PBX4: variants seen among roughly 807,000 people sequenced by gnomAD.
PBX4 encodes PBX homeobox 4.
Under a neutral mutation model 35.1 loss-of-function variants are expected in PBX4, and 26 were observed. The ratio of observed to expected loss-of-function variants is 0.74; its 90% CI spans 0.54 to 1.03. The LOEUF is 1.03. PBX4 is among the 50% of genes least tolerant of loss of function. PBX4 has a pLI of 0.00. For synonymous variants in PBX4, 199 were observed against 204.2 expected, an observed-to-expected ratio of 0.97 and a Z score of 0.22; for missense variants, 448 against 504.3, an observed-to-expected ratio of 0.89 and a Z score of 1.07.
At chr19:19,589,350 C>T (rs573898647) in intron 2 of PBX4, among the ~76,000 whole-genome samples, 20 of 151,944 alleles carry the variant, frequency 1.3e-4, no homozygotes, top group Admixed American at 5.3e-4. Flanking sequence ...ATGGCATGAA[C>T]CCGAACCCAG....
chr19:19,597,871 C>A (rs2061570091), intron 2 of PBX4, among the ~76,000 whole-genome samples: 2 of 152,162 alleles, frequency 1.3e-5, no homozygotes. Flanking sequence ...CATGTTTTCC[C>A]TGACACAATG....
chr19:19,581,243 C>T (rs2061452352), intron 2 of PBX4, among the ~76,000 whole-genome samples: 1 of 152,178 alleles, frequency 6.6e-6, no homozygotes, highest in Admixed American at 6.5e-5. Context: ...TTTTTCCTTT[C>T]TTTTCCCCAG....
chr19:19,564,901 C>G, intron 6 of PBX4, 32 bp downstream of exon 6: 1 of 1,614,084 alleles, frequency 6.2e-7, no homozygotes, highest in Non-Finnish European at 8.5e-7. Context: ...CACATGGGTA[C>G]AGATGACTGT....
rs544594942 is a variant in PBX4 at position 19,605,162 on chromosome 19, A to T, written c.120-5797T>A. 7.9e-5 allele frequency among the ~76,000 whole-genome samples: 12 copies of T among 151,454 alleles called. No homozygotes were observed. In the South Asian group the frequency reaches 2.5e-3, roughly 31 times the overall value. On this transcript the variant is annotated intron_variant, in intron 1 of 7. Transcript: ENST00000251203. ...GTCAGACACAGTGGCTCACGCCTGG[A>T]ATCCCAGCACTTTGAGAAGCCAAGG...
At chr19:19,589,637 G>A (rs184505276) in intron 2 of PBX4, among the ~76,000 whole-genome samples, 21 of 152,018 alleles carry the variant, frequency 1.4e-4, no homozygotes, top group Admixed American at 1.3e-3. Context: ...GGGCATGGTG[G>A]CGGGCACCTG....
chr19:19,584,080 A>G (rs2061473694), intron 2 of PBX4, among the ~76,000 whole-genome samples: 1 of 152,046 alleles, frequency 6.6e-6, no homozygotes, highest in Admixed American at 6.6e-5. Context: ...AAGAAGAAAG[A>G]AAGAAAAATT....
At chr19:19,604,824 T>A (rs2061620106) in intron 1 of PBX4, among the ~76,000 whole-genome samples, 1 of 151,872 alleles carries the variant, frequency 6.6e-6, no homozygotes, top group African/African-American at 2.4e-5. Context: ...ATGGTCTCGA[T>A]CTCCTGACCT....
chr19:19,590,362 T>A (rs914826414), intron 2 of PBX4, among the ~76,000 whole-genome samples: 6 of 152,180 alleles, frequency 3.9e-5, no homozygotes, highest in Non-Finnish European at 5.9e-5. Context: ...CCCAGCATCA[T>A]GTTTTCAAGG....
intron 2 of PBX4, among the ~76,000 whole-genome samples, chr19:19,580,214 G>C (rs2061445697): frequency 6.6e-6 from 1 of 151,150 alleles, no homozygotes; most frequent in African/African-American, 2.4e-5. Flanking sequence ...CGGTGACTCT[G>C]CACAGGTGAG....
chr19:19,617,863 C>T (rs1405577144), intron 1 of PBX4, among the ~76,000 whole-genome samples: 1 of 152,134 alleles, frequency 6.6e-6, no homozygotes, highest in Non-Finnish European at 1.5e-5. Flanking sequence ...CATCATCTGC[C>T]CTGGAAACTT....
intron 2 of PBX4, among the ~76,000 whole-genome samples, chr19:19,575,057 C>A (rs905761139): frequency 6.6e-6 from 1 of 151,652 alleles, no homozygotes; most frequent in Non-Finnish European, 1.5e-5. Flanking sequence ...ACGGTGAAAC[C>A]CCGTCTCTAA....
At chr19:19,602,570 T>C (rs1198469195) in intron 1 of PBX4, among the ~76,000 whole-genome samples, 1 of 152,098 alleles carries the variant, frequency 6.6e-6, no homozygotes, top group East Asian at 1.9e-4. Flanking sequence ...TAGCTGGGAC[T>C]ACGGGTGGTG....
chr19:19,606,107 G>A (rs2061629666), intron 1 of PBX4, among the ~76,000 whole-genome samples: 1 of 152,148 alleles, frequency 6.6e-6, no homozygotes, highest in South Asian at 2.1e-4. Flanking sequence ...ACACCCTAAG[G>A]TAACCCCCAG....
intron 2 of PBX4, among the ~76,000 whole-genome samples, chr19:19,598,934 T>TTTG (rs2061577657): frequency 7.0e-6 from 1 of 142,620 alleles, no homozygotes; most frequent in African/African-American, 2.6e-5. Context: ...TTTTTTTTTT[T>TTTG]GAGACAGAAT....
At chr19:19,593,371 C>T (rs2061540602) in intron 2 of PBX4, among the ~76,000 whole-genome samples, 1 of 152,188 alleles carries the variant, frequency 6.6e-6, no homozygotes, top group Non-Finnish European at 1.5e-5. Flanking sequence ...CCCGTGGGTA[C>T]CACAGGGTGC....
At chr19:19,615,710 G>A (rs895002685) in intron 1 of PBX4, among the ~76,000 whole-genome samples, 2 of 152,120 alleles carry the variant, frequency 1.3e-5, no homozygotes, top group African/African-American at 2.4e-5. Context: ...TGGCCAACAC[G>A]GTGAAACCCC....
chr19:19,604,896 G>A (rs946279596), intron 1 of PBX4, among the ~76,000 whole-genome samples: 21 of 151,740 alleles, frequency 1.4e-4, no homozygotes, highest in African/African-American at 4.4e-4. Context: ...CACCATGCCC[G>A]GCCATGTTAG....
At position 19,561,923 on chromosome 19, in the gene PBX4, A is replaced by G; in HGVS notation, c.*102T>C. ...CAGGGGCTCATGGGCACCACCACCC[A>G]TCTGGGTTTTCTGAGGTCGTCGGCG... On this transcript the variant is annotated 3_prime_UTR_variant, in exon 8 of 8. Coordinates refer to ENST00000251203, the MANE Select transcript of PBX4 (RefSeq NM_025245.3). 1 of 984,644 alleles carries G rather than the reference A, an allele frequency of 1.0e-6. No homozygotes were observed. Among genetic ancestry groups the G allele is most frequent in the Non-Finnish European group, 1.5e-6 (1 of 675,936 alleles). 61.0% of individuals were successfully genotyped at this position (984,644 alleles called of 1,614,324 possible). A position where few individuals can be genotyped will look rare whatever the true frequency, so the allele number is the denominator to read the frequency against.
Position 19,581,833 on chromosome 19 carries a change from G to T in PBX4, c.194-11000C>A, listed in dbSNP as rs1309123722. Among the ~76,000 whole-genome samples the T allele has an allele frequency of 2.6e-5, 4 of 152,174 alleles. No homozygotes were observed. In the East Asian group the frequency reaches 7.7e-4, roughly 29 times the overall value. ...TGGATAAGGTTATTGGCCAAGGAAGGTGTTCCTGCCACGATGCAAGGTGAC... is the reference window on the plus strand; with the variant it reads ...TGGATAAGGTTATTGGCCAAGGAAGTTGTTCCTGCCACGATGCAAGGTGAC... On this transcript the variant is annotated intron_variant, in intron 2 of 7. Coordinates refer to ENST00000251203, the MANE Select transcript of PBX4 (RefSeq NM_025245.3).
Sources: allele counts gnomAD v4.1 joint callset (sites outside exome capture counted in the v4.1 genomes callset), GRCh38; gene constraint gnomAD v4.1.1; transcripts MANE v1.5; gene names NCBI Gene and HGNC (gene_info 2026-07-23, HGNC 2026-07-21).